The following LYZL4 variants were observed in gnomAD, a reference collection of about 807,000 sequenced individuals.
LYZL4 encodes lysozyme like 4.
A neutral mutation model predicts 17.6 loss-of-function variants in LYZL4; 13 were observed. That is an observed-to-expected ratio of 0.74 (90% confidence interval 0.48 to 1.18). The LOEUF (loss-of-function observed/expected upper bound fraction) is 1.18, where lower values mean the gene tolerates loss of function less well. LYZL4 is among the 50% of genes most tolerant of loss of function. The pLI, the probability that LYZL4 is intolerant of heterozygous loss-of-function variation, is 0.00. For synonymous variants in LYZL4, 64 were observed against 67.7 expected (o/e 0.95, Z 0.27); for missense variants, 174 against 188.2 (o/e 0.92, Z 0.44).
At chr3:42,397,887 A>C (rs558656400) in intron 4 of LYZL4, among the ~76,000 whole-genome samples, 2 of 152,204 alleles carry the variant, frequency 1.3e-5, no homozygotes, top group Non-Finnish European at 2.9e-5. Flanking sequence ...GGTGCCTGTC[A>C]AAGTGATTCC....
intron 3 of LYZL4, among the ~76,000 whole-genome samples, chr3:42,404,680 A>G (rs971721955): frequency 1.3e-5 from 2 of 152,184 alleles, no homozygotes; most frequent in African/African-American, 4.8e-5. Context: ...TGATAGGTAG[A>G]TAGATTTATA....
At chr3:42,399,976 G>A (rs1338432595) in intron 4 of LYZL4, among the ~76,000 whole-genome samples, 1 of 151,412 alleles carries the variant, frequency 6.6e-6, no homozygotes, top group African/African-American at 2.4e-5. Context: ...CAAAAACCAC[G>A]ATGACTTTTG....
At chr3:42,388,328 T>C in the LYZL4 span, among the ~76,000 whole-genome samples, 1 of 152,172 alleles carries the variant, frequency 6.6e-6, no homozygotes, top group Non-Finnish European at 1.5e-5. Context: ...TTTATCCCGA[T>C]CTTAAAAGTG....
At chr3:42,365,013 C>T in the LYZL4 span, among the ~76,000 whole-genome samples, 1 of 152,150 alleles carries the variant, frequency 6.6e-6, no homozygotes, top group African/African-American at 2.4e-5. Flanking sequence ...ATGAAGCATG[C>T]AGCATACTCT....
At chr3:42,379,621 G>A in the LYZL4 span, among the ~76,000 whole-genome samples, 1 of 149,964 alleles carries the variant, frequency 6.7e-6, no homozygotes, top group Non-Finnish European at 1.5e-5. Flanking sequence ...CTTCATCACT[G>A]GGAGTTATGT....
At chr3:42,395,996 A>T (rs575971907), downstream of LYZL4, among the ~76,000 whole-genome samples, 2 of 152,248 alleles carry the variant, frequency 1.3e-5, no homozygotes, top group Non-Finnish European at 2.9e-5. Context: ...TGCGGGGTGG[A>T]GGCTGCAGTG....
At chr3:42,381,546 C>T in the LYZL4 span, among the ~76,000 whole-genome samples, 1,442 of 152,182 alleles carry the variant, frequency 9.5e-3, 51 homozygotes, top group East Asian at 0.049. Context: ...TGAAAGCCAG[C>T]GTTGAAACGA....
the LYZL4 span, among the ~76,000 whole-genome samples, chr3:42,364,225 C>G: frequency 6.6e-6 from 1 of 152,184 alleles, no homozygotes; most frequent in Non-Finnish European, 1.5e-5. Context: ...CAGAATATAA[C>G]TCTACTTAGC....
intron 3 of LYZL4, among the ~76,000 whole-genome samples, chr3:42,406,577 C>A (rs1434561190): frequency 6.6e-6 from 1 of 152,100 alleles, no homozygotes; most frequent in Non-Finnish European, 1.5e-5. Context: ...CCTGCAGCCT[C>A]CTCTCAACTC....
chr3:42,375,053 C>T, the LYZL4 span, among the ~76,000 whole-genome samples: 1,147 of 152,230 alleles, frequency 7.5e-3, 15 homozygotes, highest in African/African-American at 0.026. Flanking sequence ...TCAAGCAATT[C>T]GCCCACCTCA....
chr3:42,367,931 G>T, the LYZL4 span, among the ~76,000 whole-genome samples: 1 of 152,184 alleles, frequency 6.6e-6, no homozygotes, highest in Non-Finnish European at 1.5e-5. Flanking sequence ...AGTTAACAGT[G>T]GCTGATATTT....
the LYZL4 span, among the ~76,000 whole-genome samples, chr3:42,366,958 C>T: frequency 6.6e-6 from 1 of 152,212 alleles, no homozygotes; most frequent in Non-Finnish European, 1.5e-5. Context: ...CAGGGCTGTG[C>T]TTATAGCTTG....
chr3:42,394,281 A>G (rs1248732347), downstream of LYZL4, among the ~76,000 whole-genome samples: 2 of 152,202 alleles, frequency 1.3e-5, no homozygotes, highest in Non-Finnish European at 2.9e-5. Flanking sequence ...CTTAATTAAA[A>G]AACTAGAGAC....
At chr3:42,403,916 T>C in intron 4 of LYZL4, 130 bp downstream of exon 4, 1 of 574,780 alleles carries the variant, frequency 1.7e-6, no homozygotes, top group Non-Finnish European at 3.1e-6. Context: ...TTCTGCTACT[T>C]ACCTTGGTGA....
At chr3:42,367,069 T>C in the LYZL4 span, among the ~76,000 whole-genome samples, 2 of 152,208 alleles carry the variant, frequency 1.3e-5, no homozygotes, top group East Asian at 1.9e-4. Context: ...ACCAGTGCCA[T>C]GGGGATCAGC....
downstream of LYZL4, among the ~76,000 whole-genome samples, chr3:42,396,326 A>C (rs1698549151): frequency 1.3e-5 from 2 of 152,204 alleles, no homozygotes; most frequent in African/African-American, 4.8e-5. Context: ...CCTGCTGAGC[A>C]GATACCTGTG....
At chr3:42,366,319 C>T in the LYZL4 span, among the ~76,000 whole-genome samples, 1 of 152,186 alleles carries the variant, frequency 6.6e-6, no homozygotes, top group Non-Finnish European at 1.5e-5. Flanking sequence ...GAAGCCACTG[C>T]CCATTGCCAG....
At chr3:42,383,699 T>TA in the LYZL4 span, among the ~76,000 whole-genome samples, 3 of 151,512 alleles carry the variant, frequency 2.0e-5, no homozygotes, top group Admixed American at 6.6e-5. Flanking sequence ...AGGATGCTAA[T>TA]AAAAAAGGGA....
the LYZL4 span, among the ~76,000 whole-genome samples, chr3:42,382,504 A>G: frequency 2.0e-5 from 3 of 152,084 alleles, no homozygotes; most frequent in African/African-American, 7.2e-5. Flanking sequence ...GCTAGCGTGT[A>G]TTGACTATTG....
Sources: allele counts gnomAD v4.1 joint callset (sites outside exome capture counted in the v4.1 genomes callset), GRCh38; gene constraint gnomAD v4.1.1; transcripts MANE v1.5; gene names NCBI Gene and HGNC (gene_info 2026-07-23, HGNC 2026-07-21).